The following BTD variants were observed in gnomAD, a reference collection of about 807,000 sequenced individuals.
BTD encodes the protein biotinidase, also known as biocytinase.
BTD carries 13 observed loss-of-function variants against 17.7 expected under a neutral mutation model. The ratio of observed to expected loss-of-function variants is 0.74; its 90% CI spans 0.48 to 1.17. The LOEUF (loss-of-function observed/expected upper bound fraction) is 1.17. Ranked by LOEUF, BTD falls within the 50% of genes most tolerant of loss-of-function variation. The pLI, the probability that BTD is intolerant of heterozygous loss-of-function variation, is 0.00. For synonymous variants in BTD, 240 were observed against 245.2 expected (o/e 0.98, Z 0.20); for missense variants, 674 against 650.4 (o/e 1.04, Z -0.39).
chr3:15,601,802 T>A lies in BTD; in HGVS notation c.-109T>A. 1 of 1,614,056 alleles carries A rather than the reference T, an allele frequency of 6.2e-7. No individual in the cohort carries two copies. Among genetic ancestry groups the A allele is most frequent in the East Asian group, 2.2e-5 (1 of 44,882 alleles). ...AGCCGAACTCTGAGGCCTCTCGCCA[T>A]TGTCTCCGAGTCGGCCAGCTGGAGC... On this transcript the variant is annotated 5_prime_UTR_variant, in exon 1 of 4. It adds an upstream start codon to the 5' untranslated region. Transcript: ENST00000643237.
intron 3 of BTD, among the ~76,000 whole-genome samples, chr3:15,673,981 G>C (rs1349152101): frequency 6.6e-6 from 1 of 151,608 alleles, no homozygotes; most frequent in Non-Finnish European, 1.5e-5. Flanking sequence ...TTCAAGACCG[G>C]CCTGGACAAT....
downstream of BTD, among the ~76,000 whole-genome samples, chr3:15,716,300 T>TC (rs1438218103): frequency 4.5e-3 from 668 of 149,166 alleles, 8 homozygotes; most frequent in East Asian, 0.033. Context: ...TTTTTTTTTT[T>TC]CCCTTAAAGA....
intron 3 of BTD, among the ~76,000 whole-genome samples, chr3:15,661,095 G>A (rs1413093318): frequency 1.3e-5 from 2 of 151,348 alleles, no homozygotes; most frequent in African/African-American, 2.4e-5. Context: ...GTGAAACCCC[G>A]TCTCTACTAA....
At chr3:15,720,833 T>A in intron 4 of BTD, 2 of 1,249,050 alleles carry the variant, frequency 1.6e-6, no homozygotes, top group East Asian at 4.8e-5. Context: ...ATATTCCTTT[T>A]TATTGCTCAA....
chr3:15,663,192 C>G (rs565719733), intron 3 of BTD, among the ~76,000 whole-genome samples: 1 of 152,212 alleles, frequency 6.6e-6, no homozygotes, highest in African/African-American at 2.4e-5. Context: ...AACGGTTTCT[C>G]CATGTTGGTC....
intron 1 of BTD, among the ~76,000 whole-genome samples, chr3:15,614,515 T>A (rs959380225): frequency 6.6e-6 from 1 of 152,102 alleles, no homozygotes; most frequent in Non-Finnish European, 1.5e-5. Flanking sequence ...ATCTCTGTGG[T>A]ACATTCTAAA....
In BTD at chr3:15,644,304, T is replaced by C. The variant is rs779451901; in HGVS notation, c.400-12T>C. 6 of 1,611,632 alleles carry C rather than the reference T, an allele frequency of 3.7e-6. No homozygotes were observed. The highest frequency in any genetic ancestry group is 5.1e-6 in the Non-Finnish European group (6 of 1,178,776). On this transcript the variant is annotated splice_polypyrimidine_tract_variant and intron_variant, in intron 3 of 3. Transcript: ENST00000643237. ...CAAAAACCTCATTTATTTACACCTTTTTTTCCTCTAGGTGCTCCAGCGCCT... is the reference window on the plus strand; with the variant it reads ...CAAAAACCTCATTTATTTACACCTTCTTTTCCTCTAGGTGCTCCAGCGCCT...
chr3:15,641,541 G>A (rs1325811707), intron 2 of BTD, among the ~76,000 whole-genome samples: 1 of 152,218 alleles, frequency 6.6e-6, no homozygotes, highest in Non-Finnish European at 1.5e-5. Context: ...TCAAGGCCCA[G>A]TAGTTGGCCC....
At chr3:15,690,140 T>C in intron 3 of BTD, 1 of 1,609,942 alleles carries the variant, frequency 6.2e-7, no homozygotes, top group Middle Eastern at 1.7e-4. Context: ...CTAGGGGTGT[T>C]CTTCCACTAC....
chr3:15,666,850 C>T (rs762503458), intron 3 of BTD, among the ~76,000 whole-genome samples: 6 of 152,208 alleles, frequency 3.9e-5, no homozygotes, highest in South Asian at 2.1e-4. Context: ...TCTCAATGTC[C>T]GCACCTAGTC....
chr3:15,603,568 A>G (rs2064347936), intron 1 of BTD, among the ~76,000 whole-genome samples: 1 of 152,140 alleles, frequency 6.6e-6, no homozygotes, highest in African/African-American at 2.4e-5. Flanking sequence ...GAGGCAGGAG[A>G]ATGGTGTGAA....
intron 3 of BTD, among the ~76,000 whole-genome samples, chr3:15,682,560 T>C (rs1441514168): frequency 6.6e-6 from 1 of 152,214 alleles, no homozygotes; most frequent in Non-Finnish European, 1.5e-5. Flanking sequence ...ATAATAAGTA[T>C]TCTTAAGTTC....
At chr3:15,690,617 T>G (rs968012454) in intron 3 of BTD, among the ~76,000 whole-genome samples, 1 of 152,090 alleles carries the variant, frequency 6.6e-6, no homozygotes, top group African/African-American at 2.4e-5. Flanking sequence ...CCAGCTGGAG[T>G]CCAGTGGCGT....
intron 3 of BTD, chr3:15,689,760 G>C: frequency 6.2e-6 from 2 of 320,666 alleles, no homozygotes. Context: ...TTTGTGCTTG[G>C]TTTACTTGGG....
intron 3 of BTD, chr3:15,670,458 A>G (rs2066227210): frequency 6.2e-7 from 1 of 1,613,970 alleles, no homozygotes; most frequent in Non-Finnish European, 8.5e-7. Flanking sequence ...AAGGATGATA[A>G]AGGACTACTT....
rs1404904752 is a variant in BTD, at chr3:15,642,000, TC to T, written c.346del (p.Gln116ArgfsTer23). ...IYPFLDFMPSPQVVRWNPCLE... is the reference protein window; with the variant it reads ...IYPFLDFMPSXQVVRWNPCLE... ...ATCCATTTTTGGACTTCATGCCGTC[TC>T]CCCAGGTGGTCAGGTGGAACCCATG... On this transcript the variant is annotated frameshift_variant, in exon 3 of 4. Transcript: ENST00000643237. LOFTEE classifies it high-confidence loss of function. 4 of 1,614,156 alleles carry T rather than the reference TC, an allele frequency of 2.5e-6. No individual in the cohort carries two copies. The highest frequency in any genetic ancestry group is 3.4e-6 in the Non-Finnish European group (4 of 1,180,020).
downstream of BTD, chr3:15,713,663 C>G: frequency 6.6e-7 from 1 of 1,510,160 alleles, no homozygotes; most frequent in Non-Finnish European, 9.1e-7. Context: ...GACTTACTGT[C>G]AGACACTGGA....
chr3:15,639,271 AT>A (rs2125472120), intron 2 of BTD, among the ~76,000 whole-genome samples: 2 of 138,536 alleles, frequency 1.4e-5, no homozygotes, highest in East Asian at 4.3e-4. Context: ...CATAATTTAA[AT>A]GTTATTCTCC....
chr3:15,680,309 AT>A (rs769669964), intron 3 of BTD, among the ~76,000 whole-genome samples: 3 of 151,894 alleles, frequency 2.0e-5, no homozygotes, highest in Non-Finnish European at 4.4e-5. Context: ...GGTTCAAGTG[AT>A]TCTCCTGTCT....
Sources: allele counts gnomAD v4.1 joint callset (sites outside exome capture counted in the v4.1 genomes callset), GRCh38; gene constraint gnomAD v4.1.1; transcripts MANE v1.5; gene names NCBI Gene and HGNC (gene_info 2026-07-23, HGNC 2026-07-21).